CPT1C: variants seen among roughly 807,000 people sequenced by gnomAD.
The protein encoded by CPT1C is carnitine palmitoyltransferase 1C, also known as palmitoyl thioesterase CPT1C.
Under a neutral mutation model 97.3 loss-of-function variants are expected in CPT1C, and 61 were observed. The ratio of observed to expected loss-of-function variants is 0.63; its 90% CI spans 0.51 to 0.78. The LOEUF (loss-of-function observed/expected upper bound fraction) is 0.78, where lower values mean the gene tolerates loss of function less well. Ranked by LOEUF, CPT1C falls within the 30% of genes least tolerant of loss-of-function variation. The pLI is 0.00. For missense variants in CPT1C, 975 were observed against 1,065.5 expected (o/e 0.92, Z 1.18); for synonymous variants, 469 against 447.2 (o/e 1.05, Z -0.61).
chr19:49,704,891 A>G (rs763327943), intron 8 of CPT1C, 104 bp downstream of exon 8: 1 of 1,410,446 alleles, frequency 7.1e-7, no homozygotes, highest in Non-Finnish European at 1.0e-6. Context: ...TAGACGCGCC[A>G]TCTGGGATTC....
chr19:49,704,967 T>A, intron 8 of CPT1C, 40 bp from the exon 9 acceptor site: 1 of 1,534,744 alleles, frequency 6.5e-7, no homozygotes. Context: ...GGGGCAAACC[T>A]GACCCTGGGT....
At chr19:49,692,625 G>A (rs1316085403) in intron 3 of CPT1C, among the ~76,000 whole-genome samples, 2 of 152,192 alleles carry the variant, frequency 1.3e-5, no homozygotes, top group African/African-American at 2.4e-5. Flanking sequence ...TCACCCAAGA[G>A]GGGAACTGGG....
chr19:49,692,220 A>T lies in CPT1C; in HGVS notation c.-14-19A>T, dbSNP rs770919108. On this transcript the variant is annotated intron_variant, in intron 2 of 19. Coordinates refer to ENST00000598293, the MANE Select transcript of CPT1C (RefSeq NM_001199753.2). ...GGCGGAGGGGCTGGGGTCCTGAAGTATGACTCTGCCCGACTCAGGGCTCCA... is the reference window on the plus strand; with the variant it reads ...GGCGGAGGGGCTGGGGTCCTGAAGTTTGACTCTGCCCGACTCAGGGCTCCA... The T allele has an allele frequency of 1.9e-6, 3 of 1,610,898 alleles. No individual in the cohort carries two copies. Among genetic ancestry groups the T allele is most frequent in the Non-Finnish European group, 2.5e-6 (3 of 1,179,632 alleles).
intron 18 of CPT1C, 53 bp from the exon 19 acceptor site, chr19:49,712,919 G>A (rs368263769): frequency 1.3e-6 from 2 of 1,585,406 alleles, no homozygotes; most frequent in Middle Eastern, 1.7e-4. Context: ...CCTGCATAGT[G>A]GGGGTGGAGG....
chr19:49,701,469 G>A (rs369708505), intron 6 of CPT1C, 28 bp from the exon 7 acceptor site: 67 of 1,594,166 alleles, frequency 4.2e-5, no homozygotes, highest in Middle Eastern at 1.7e-4. Flanking sequence ...CGGGCCGGGG[G>A]CGTGACCTGC....
In CPT1C at chr19:49,713,527, G is replaced by C. The variant is rs775816343; in HGVS notation, c.2334G>C (p.Glu778Asp). ...GCCGGTTCAGAGGGTCAGGGAAGGA[G>C]AACTCCAGGCACAGGTGTGGATTTC... The part of the protein sequence containing the change: ...FKRRFRGSGK[E>D]NSRHRCGFLS... Residue 778 changes from glutamate to aspartate, a missense_variant, in exon 20 of 20, where the codon GAG becomes GAC. Glu to Asp is a conservative substitution (Grantham distance 45). Coordinates refer to ENST00000598293, the MANE Select transcript of CPT1C (RefSeq NM_001199753.2). 4.9e-5 allele frequency: 79 copies of C among 1,614,092 alleles called. No homozygotes were observed. Among genetic ancestry groups the C allele is most frequent in the Middle Eastern group, 3.3e-4 (2 of 6,084 alleles).
At chr19:49,700,934 C>G in intron 5 of CPT1C, 79 bp downstream of exon 5, 1 of 1,481,376 alleles carries the variant, frequency 6.8e-7, no homozygotes, top group Non-Finnish European at 9.3e-7. Context: ...CTCTGTCCCC[C>G]TCTCTCTGGG....
chr19:49,694,087 A>AAAATAAAT (rs143173653), intron 3 of CPT1C, among the ~76,000 whole-genome samples: 49 of 107,530 alleles, frequency 4.6e-4, no homozygotes, highest in Admixed American at 7.0e-4. Flanking sequence ...AATAAAATAA[A>AAAATAAAT]AAATAAATAA....
At chr19:49,695,133 T>A (rs1324761017) in intron 3 of CPT1C, among the ~76,000 whole-genome samples, 1 of 151,704 alleles carries the variant, frequency 6.6e-6, no homozygotes, top group Non-Finnish European at 1.5e-5. Context: ...AAAGCGAGAC[T>A]CCGTCTCAAA....
upstream of CPT1C, chr19:49,690,709 CT>C: frequency 2.0e-6 from 1 of 500,152 alleles, no homozygotes; most frequent in Non-Finnish European, 3.4e-6. The surrounding 1 kb of genome is among the most constrained non-coding windows in gnomAD (Gnocchi z 4.4). Flanking sequence ...GCTGTGGCGC[CT>C]TTCTTGCCAA....
Position 49,702,026 on chromosome 19 carries a change from T to TATATATTTATAAATTATAA in CPT1C, c.693+395_693+396insTATTTATAAATTATAAATA, listed in dbSNP as rs1555779100. ...ATATTAAATATATTTATTTATAAAT[T>TATATATTTATAAATTATAA]ATAAATATATATTTATTTATAAATT... is the stretch of plus-strand genomic sequence containing the variant. On this transcript the variant is annotated intron_variant, in intron 7 of 19. Coordinates refer to ENST00000598293, the MANE Select transcript of CPT1C (RefSeq NM_001199753.2). Among the ~76,000 whole-genome samples the TATATATTTATAAATTATAA allele has an allele frequency of 4.1e-4, 4 of 9,640 alleles. 1 individual carries two copies. In the Admixed American group the frequency reaches 5.1e-3, roughly 12 times the overall value. 6.3% of individuals were successfully genotyped at this position (9,640 alleles called of 152,430 possible).
Position 49,712,783 on chromosome 19 carries a change from G to A in CPT1C, c.2067G>A (p.Gln689=), listed in dbSNP as rs2083988001. The change falls in exon 18 of 20, where the codon CAG becomes CAA. Residue 689 remains glutamine, a synonymous_variant. Transcript: ENST00000598293. ...TGTCCACCAGCCAGATCCCTGTTCAGCAAATGCATCTGTTTGACGTCCACA... is the reference window on the plus strand; with the variant it reads ...TGTCCACCAGCCAGATCCCTGTTCAACAAATGCATCTGTTTGACGTCCACA... ...WQLSTSQIPV[Q]QMHLFDVHNY... 4 of 1,614,120 alleles carry A rather than the reference G, an allele frequency of 2.5e-6. No individual in the cohort carries two copies.
chr19:49,697,005 C>T (rs1243851540), intron 3 of CPT1C, among the ~76,000 whole-genome samples: 9 of 152,168 alleles, frequency 5.9e-5, no homozygotes, highest in Middle Eastern at 3.2e-3. Context: ...CCACCACATC[C>T]GGACTGTTCT....
chr19:49,698,769 G>A (rs972437627), intron 4 of CPT1C, among the ~76,000 whole-genome samples: 5 of 152,036 alleles, frequency 3.3e-5, no homozygotes, highest in Admixed American at 6.6e-5. Context: ...AATGAGGTAT[G>A]AATAATTGCT....
chr19:49,704,978 G>C, intron 8 of CPT1C, 29 bp from the exon 9 acceptor site: 1 of 1,556,392 alleles, frequency 6.4e-7, no homozygotes, highest in East Asian at 2.3e-5. Context: ...GACCCTGGGT[G>C]TTTTGCCATC....
intron 3 of CPT1C, among the ~76,000 whole-genome samples, chr19:49,692,921 T>C (rs1167185952): frequency 6.6e-6 from 1 of 152,152 alleles, no homozygotes; most frequent in Non-Finnish European, 1.5e-5. Flanking sequence ...AGACAGAGTC[T>C]CACTCTGTTG....
rs541790503 is a variant in CPT1C, at chr19:49,707,546, G to A, written c.1372G>A (p.Val458Ile). Residue 458 changes from valine to isoleucine, a missense_variant, in exon 13 of 20, where the codon GTC (valine) becomes ATC (isoleucine). By Grantham distance (29) the Val-to-Ile change is conservative. Around this residue, in one of 3 missense-constraint regions of CPT1C, gnomAD observed 35 missense variants for 66.6 expected, o/e 0.53. Coordinates refer to ENST00000598293, the MANE Select transcript of CPT1C (RefSeq NM_001199753.2). ...RWFDKSFTLI[V>I]FSNGKLGLSV... ...GTTTGACAAATCCTTCACCCTAATC[G>A]TCTTCTCTAACGGGAAGCTGGGCCT... 25 of 1,613,706 alleles carry A rather than the reference G, an allele frequency of 1.5e-5. No individual in the cohort carries two copies. Among genetic ancestry groups the A allele is most frequent in the South Asian group, 1.5e-4 (14 of 91,046 alleles).
chr19:49,708,002 C>CAAAAAA (rs60276067), intron 13 of CPT1C, among the ~76,000 whole-genome samples: 74 of 56,674 alleles, frequency 1.3e-3, no homozygotes, highest in Non-Finnish European at 2.0e-3. Context: ...GAATACATCT[C>CAAAAAA]AAAAAAAAAA....
rs2083160210 is a variant in CPT1C, at chr19:49,702,049, A to ATTATAAATATATATATATTTATAAT, written c.693+429_693+430insATATTTATAATTTATAAATATATAT. Among the ~76,000 whole-genome samples, 2 of 77,262 alleles carry ATTATAAATATATATATATTTATAAT rather than the reference A, an allele frequency of 2.6e-5. 1 individual carries two copies. The highest frequency in any genetic ancestry group is 2.2e-4 in the African/African-American group (2 of 9,230). The allele number at this position is 77,262 out of a possible 152,430, so 50.7% of individuals were successfully genotyped here. A position where few individuals can be genotyped will look rare whatever the true frequency, so the allele number is the denominator to read the frequency against. The stretch of plus-strand genomic sequence containing the variant: ...ATTATAAATATATATTTATTTATAA[A>ATTATAAATATATATATATTTATAAT]TTATAAATATATATTTATTTATAAA... On this transcript the variant is annotated intron_variant, in intron 7 of 19. Transcript: ENST00000598293.
Sources: gnomAD v4.1 joint callset for allele counts (sites outside exome capture counted in the v4.1 genomes callset) on GRCh38, gnomAD v4.1.1 for gene constraint, gnomAD v4.1.1 regional missense constraint, Gnocchi (gnomAD v3.1) non-coding constraint, MANE v1.5 for transcripts, NCBI Gene and HGNC (gene_info 2026-07-23, HGNC 2026-07-21) for gene names.